The following DOCK1 variants were observed in gnomAD, a reference collection of about 807,000 sequenced individuals.
The protein encoded by DOCK1 is dedicator of cytokinesis protein 1.
DOCK1 carries 138 observed loss-of-function variants against 262.7 expected under a neutral mutation model. That is an observed-to-expected ratio of 0.53 (90% CI 0.46 to 0.61). The LOEUF is 0.61. Among genes scored for constraint, DOCK1 ranks in the 20% least tolerant of loss-of-function variants. The pLI is 0.00. For missense variants in DOCK1, 1,908 were observed against 2,370.7 expected (o/e 0.80, Z 4.05); for synonymous variants, 866 against 867.4 (o/e 1.00, Z 0.03).
At chr10:127,320,203 G>A (rs866130555) in intron 29 of DOCK1, among the ~76,000 whole-genome samples, 9 of 151,954 alleles carry the variant, frequency 5.9e-5, no homozygotes, top group African/African-American at 1.9e-4. Flanking sequence ...ACCTCTTTAT[G>A]ATTAAGACAA....
At chr10:126,941,115 A>C (rs1246811179) in intron 1 of DOCK1, among the ~76,000 whole-genome samples, 2 of 152,178 alleles carry the variant, frequency 1.3e-5, no homozygotes, top group Non-Finnish European at 2.9e-5. Context: ...GACATTCTTC[A>C]TAAAATGTGC....
At chr10:127,029,964 T>G (rs1642867269) in intron 16 of DOCK1, among the ~76,000 whole-genome samples, 1 of 152,180 alleles carries the variant, frequency 6.6e-6, no homozygotes, top group South Asian at 2.1e-4. Flanking sequence ...GGTGCCCTTT[T>G]ACAGAGTTAT....
At chr10:127,226,805 G>A (rs981995059) in intron 27 of DOCK1, among the ~76,000 whole-genome samples, 7 of 151,906 alleles carry the variant, frequency 4.6e-5, no homozygotes, top group African/African-American at 7.3e-5. Flanking sequence ...TGATGCCTTC[G>A]CCATTGTGAT....
intron 27 of DOCK1, among the ~76,000 whole-genome samples, chr10:127,204,650 T>C (rs752802504): frequency 7.9e-5 from 12 of 152,146 alleles, no homozygotes; most frequent in Non-Finnish European, 1.8e-4. Flanking sequence ...GTGAAGTAGC[T>C]TTGTCCCACA....
At chr10:126,933,268 T>A (rs1403647781) in intron 1 of DOCK1, among the ~76,000 whole-genome samples, 1 of 152,186 alleles carries the variant, frequency 6.6e-6, no homozygotes, top group East Asian at 1.9e-4. Flanking sequence ...GTGTAGTAGA[T>A]GCCTACAGCG....
chr10:126,948,542 C>T (rs909749470), intron 1 of DOCK1, among the ~76,000 whole-genome samples: 2 of 151,808 alleles, frequency 1.3e-5, no homozygotes, highest in African/African-American at 4.8e-5. Flanking sequence ...GGATGAACCT[C>T]TTTTTTACGT....
chr10:127,328,623 A>C (rs1352881997), intron 29 of DOCK1, among the ~76,000 whole-genome samples: 2 of 152,006 alleles, frequency 1.3e-5, no homozygotes, highest in Non-Finnish European at 2.9e-5. Flanking sequence ...GATGCGAGGG[A>C]CGGCAGGGAC....
intron 1 of DOCK1, among the ~76,000 whole-genome samples, chr10:126,914,633 A>G (rs1358237328): frequency 6.6e-6 from 1 of 152,162 alleles, no homozygotes; most frequent in Non-Finnish European, 1.5e-5. Context: ...ACCAAAGTGC[A>G]GGGATTAGAG....
At position 127,175,643 on chromosome 10, in the gene DOCK1, C is replaced by A. The variant is rs539100904; in HGVS notation, c.2847+47879C>A. On this transcript the variant is annotated intron_variant, in intron 27 of 51. Coordinates refer to ENST00000623213, the MANE Select transcript of DOCK1 (RefSeq NM_001290223.2). This position sits in a 1 kb window ranked among gnomAD's most constrained non-coding sequence, Gnocchi z 6.3. ...CAGGTGCGTAAACGGTGGCAACCTC[C>A]GTTTTAAACACCCTCCTGAGGGCAG... 6.2e-7 allele frequency: 1 copy of A among 1,613,374 alleles called. No homozygotes were observed. The highest frequency in any genetic ancestry group is 8.5e-7 in the Non-Finnish European group (1 of 1,179,958).
At chr10:127,225,221 T>C (rs2058591970) in intron 27 of DOCK1, among the ~76,000 whole-genome samples, 1 of 152,218 alleles carries the variant, frequency 6.6e-6, no homozygotes, top group Non-Finnish European at 1.5e-5. Flanking sequence ...AGTACTAAAC[T>C]GACAGGTGTT....
intron 48 of DOCK1, among the ~76,000 whole-genome samples, chr10:127,435,265 G>T (rs923492264): frequency 2.6e-5 from 4 of 152,104 alleles, no homozygotes; most frequent in African/African-American, 9.7e-5. Flanking sequence ...AGTTGTTTGT[G>T]TGTCCAATCC....
intron 29 of DOCK1, among the ~76,000 whole-genome samples, chr10:127,303,517 A>G (rs2061762521): frequency 6.6e-6 from 1 of 151,970 alleles, no homozygotes; most frequent in African/African-American, 2.4e-5. Flanking sequence ...ACTGGGTTAA[A>G]CACTTAAAAA....
intron 1 of DOCK1, among the ~76,000 whole-genome samples, chr10:126,909,768 G>GT (rs2031491225): frequency 6.6e-6 from 1 of 152,200 alleles, no homozygotes; most frequent in Non-Finnish European, 1.5e-5. Flanking sequence ...TTAGCCCTGC[G>GT]TTTAAGATAT....
intron 35 of DOCK1, among the ~76,000 whole-genome samples, chr10:127,376,571 G>A (rs2065504725): frequency 6.6e-6 from 1 of 152,208 alleles, no homozygotes; most frequent in Admixed American, 6.5e-5. Flanking sequence ...AACGTTCAAA[G>A]TAATTTGTTG....
intron 27 of DOCK1, among the ~76,000 whole-genome samples, chr10:127,140,123 G>A (rs2051082099): frequency 6.6e-6 from 1 of 152,164 alleles, no homozygotes; most frequent in Non-Finnish European, 1.5e-5. Flanking sequence ...TATTAGAACA[G>A]AGAGAAGGCG....
intron 27 of DOCK1, among the ~76,000 whole-genome samples, chr10:127,155,086 C>T (rs1409101834): frequency 6.6e-6 from 1 of 152,148 alleles, no homozygotes. Flanking sequence ...AGCTTATAAA[C>T]ACTCTGGGGG....
rs76081361 is a variant in DOCK1, at chr10:127,305,530, G to A, written c.3045-33476G>A. 7.8e-3 allele frequency among the ~76,000 whole-genome samples: 1,189 copies of A among 152,274 alleles called. 33 individuals carry two copies. In the East Asian group the frequency reaches 0.11, roughly 14 times the overall value. Reference sequence around the variant, plus strand: ...TACATGATCTGGTCCAGCCATAAGGGCACACAGTGTGGGAGACAAGGGGCC... The same window carrying A: ...TACATGATCTGGTCCAGCCATAAGGACACACAGTGTGGGAGACAAGGGGCC... On this transcript the variant is annotated intron_variant, in intron 29 of 51. Transcript: ENST00000623213.
At chr10:127,337,699 G>A (rs1485080082) in intron 29 of DOCK1, among the ~76,000 whole-genome samples, 4 of 152,128 alleles carry the variant, frequency 2.6e-5, no homozygotes, top group East Asian at 1.9e-4. Context: ...TAATGTCCCC[G>A]GGGAAGAAGT....
intron 33 of DOCK1, among the ~76,000 whole-genome samples, chr10:127,369,025 C>T (rs559594841): frequency 6.6e-6 from 1 of 152,262 alleles, no homozygotes; most frequent in East Asian, 1.9e-4. Context: ...TGCACAACTT[C>T]CAGAAATTCC....
Sources: gnomAD v4.1 joint callset for allele counts (sites outside exome capture counted in the v4.1 genomes callset) on GRCh38, gnomAD v4.1.1 for gene constraint, Gnocchi (gnomAD v3.1) non-coding constraint, MANE v1.5 for transcripts, NCBI Gene and HGNC (gene_info 2026-07-23, HGNC 2026-07-21) for gene names.